The following KDM5B variants were observed in gnomAD, a reference collection of about 807,000 sequenced individuals.
KDM5B encodes lysine-specific demethylase 5B.
KDM5B carries 144 observed loss-of-function variants against 193.4 expected under a neutral mutation model. That is an observed-to-expected ratio of 0.74 (90% confidence interval 0.65 to 0.86). The LOEUF is 0.86. Ranked by LOEUF, KDM5B falls within the 40% of genes least tolerant of loss-of-function variation. KDM5B has a pLI of 0.00. For missense variants in KDM5B, 1,833 were observed against 1,886.9 expected, an observed-to-expected ratio of 0.97 and a Z score of 0.53; for synonymous variants, 668 against 682.6, an observed-to-expected ratio of 0.98 and a Z score of 0.33.
At chr1:202,732,045 A>T in intron 23 of KDM5B, 106 bp from the exon 24 acceptor site, 5 of 639,336 alleles carry the variant, frequency 7.8e-6, no homozygotes, top group African/African-American at 1.9e-5. Flanking sequence ...ACCAGGGGAA[A>T]AAAAAAAAAA....
chr1:202,736,667 G>A (rs374710008), intron 20 of KDM5B, among the ~76,000 whole-genome samples: 18 of 151,368 alleles, frequency 1.2e-4, no homozygotes, highest in South Asian at 4.2e-4. Context: ...TTTTTAAGAC[G>A]GAGTATCACT....
chr1:202,758,347 A>G lies in KDM5B; in HGVS notation c.1197+44T>C, dbSNP rs115162047. The stretch of plus-strand genomic sequence containing the variant: ...GGGTCTTCAGGTACACTTTTCTCCA[A>G]AAGCTATTAAAATCCTAAATCAAAG... On this transcript the variant is annotated intron_variant, in intron 9 of 26. Transcript: ENST00000367265. 1,458 of 1,510,830 alleles carry G rather than the reference A, an allele frequency of 9.7e-4. 16 individuals are homozygous for G. The African/African-American group carries it at 0.018, about 19-fold the overall frequency. 93.6% of individuals were successfully genotyped at this position (1,510,830 alleles called of 1,614,324 possible).
Position 202,752,982 on chromosome 1 carries a change from A to G in KDM5B, c.1624T>C (p.Phe542Leu). 1 of 1,614,154 alleles carries G rather than the reference A, an allele frequency of 6.2e-7. No individual in the cohort carries two copies. Among genetic ancestry groups the G allele is most frequent in the East Asian group, 2.2e-5 (1 of 44,880 alleles). ...NVMKKLAPEL[F>L]VSQPDLLHQL... is the part of the protein sequence containing the mutation. Reference sequence around the variant, plus strand: ...TGGAGGAGATCCGGCTGGGACACAAAGAGTTCTGGAGCTAGTTTCTTCATT... The same window carrying G: ...TGGAGGAGATCCGGCTGGGACACAAGGAGTTCTGGAGCTAGTTTCTTCATT... Residue 542 changes from phenylalanine (F) to leucine (L), a missense_variant, in exon 12 of 27, where the codon TTT (phenylalanine) becomes CTT (leucine). Physicochemically the swap from Phe to Leu is conservative, Grantham distance 22 (BLOSUM62 0). Around this residue, in one of 3 missense-constraint regions of KDM5B, gnomAD observed 1,379 missense variants for 1,349.6 expected, o/e 1.02. Transcript: ENST00000367265.
intron 1 of KDM5B, among the ~76,000 whole-genome samples, chr1:202,780,884 G>A (rs896982605): frequency 2.0e-5 from 3 of 151,382 alleles, no homozygotes; most frequent in Non-Finnish European, 2.9e-5. Flanking sequence ...TTACGTTTGC[G>A]CCAACCTAAT....
At position 202,733,506 on chromosome 1, in the gene KDM5B, T is replaced by C. The variant is rs765497085; in HGVS notation, c.3804A>G (p.Gln1268=). The change falls in exon 23 of 27, where the codon CAA becomes CAG. Residue 1268 remains glutamine, a synonymous_variant. Transcript: ENST00000367265. The part of the protein sequence containing the change: ...RTVNWQHRAQ[Q]LLSSGNLKFV... The stretch of plus-strand genomic sequence containing the variant: ...ATTTAAGATTCCCTGACGAAAGCAG[T>C]TGCTGGGCTCTGTGCTGCCAGTTCA... 6.2e-7 allele frequency: 1 copy of C among 1,614,160 alleles called. No homozygotes were observed. The highest frequency in any genetic ancestry group is 8.5e-7 in the Non-Finnish European group (1 of 1,180,016).
intron 12 of KDM5B, among the ~76,000 whole-genome samples, chr1:202,752,568 T>G (rs12041098): frequency 0.059 from 8,985 of 152,296 alleles, 457 homozygotes; most frequent in East Asian, 0.25. Context: ...ACCTCTAGAC[T>G]TTTCAGTCAG....
intron 1 of KDM5B, among the ~76,000 whole-genome samples, chr1:202,780,193 T>G (rs1186376259): frequency 6.6e-6 from 1 of 152,076 alleles, no homozygotes; most frequent in Non-Finnish European, 1.5e-5. Flanking sequence ...ATTATTATTA[T>G]TTTTTGAGAT....
chr1:202,731,357 T>C (rs1654877294), intron 24 of KDM5B, among the ~76,000 whole-genome samples: 1 of 152,248 alleles, frequency 6.6e-6, no homozygotes, highest in Admixed American at 6.5e-5. Flanking sequence ...TCTGCCTTGA[T>C]GACTTCTAAC....
chr1:202,774,562 C>A lies in KDM5B; in HGVS notation c.405+51G>T. 5.2e-6 allele frequency: 8 copies of A among 1,541,220 alleles called. No homozygotes were observed. The South Asian group carries it at 9.2e-5, about 18-fold the overall frequency. On this transcript the variant is annotated intron_variant, in intron 3 of 26. Coordinates refer to ENST00000367265, the MANE Select transcript of KDM5B (RefSeq NM_006618.5). ...TTTTTAAGGCAAAGAAGATCAAATTCATTCTGTCAGTAAGATTATAAAATA... is the reference window on the plus strand; with the variant it reads ...TTTTTAAGGCAAAGAAGATCAAATTAATTCTGTCAGTAAGATTATAAAATA...
intron 2 of KDM5B, among the ~76,000 whole-genome samples, chr1:202,776,445 G>A (rs1386931656): frequency 6.6e-6 from 1 of 152,006 alleles, no homozygotes; most frequent in Non-Finnish European, 1.5e-5. Flanking sequence ...GGGAGGCAGA[G>A]GCAGGAGGAT....
At position 202,727,510 on chromosome 1, in the gene KDM5B, C is replaced by G. The variant is rs545758714; in HGVS notation, c.*1526G>C. The G allele has an allele frequency of 4.6e-5, 7 of 152,582 alleles. No homozygotes were observed. Among genetic ancestry groups the G allele is most frequent in the African/African-American group, 1.7e-4 (7 of 41,492 alleles). 9.5% of individuals were successfully genotyped at this position (152,582 alleles called of 1,614,324 possible). ...TTTTTGTTGTTGTTTTATTAAAGAC[C>G]CACCAGTTTTACTCATCTTCAGGTT... On this transcript the variant is annotated 3_prime_UTR_variant, in exon 27 of 27. Transcript: ENST00000367265.
At chr1:202,749,748 T>G (rs534260108) in intron 13 of KDM5B, among the ~76,000 whole-genome samples, 2 of 152,218 alleles carry the variant, frequency 1.3e-5, no homozygotes, top group Non-Finnish European at 2.9e-5. Flanking sequence ...AAGTATGACC[T>G]TATATATTTC....
chr1:202,753,165 G>C, intron 11 of KDM5B, 98 bp from the exon 12 acceptor site: 2 of 1,014,920 alleles, frequency 2.0e-6, no homozygotes, highest in South Asian at 1.6e-5. Flanking sequence ...GTAAGACTAC[G>C]CAAAAAAGGA....
chr1:202,741,937 CT>C (rs35991410), intron 18 of KDM5B, among the ~76,000 whole-genome samples: 356 of 147,234 alleles, frequency 2.4e-3, no homozygotes, highest in Non-Finnish European at 4.0e-3. Flanking sequence ...GTCACTTTCT[CT>C]TTTTTTTTTT....
At chr1:202,776,382 A>G (rs114292496) in intron 2 of KDM5B, among the ~76,000 whole-genome samples, 2,443 of 152,168 alleles carry the variant, frequency 0.016, 62 homozygotes, top group African/African-American at 0.056. Flanking sequence ...ACAATTCCAT[A>G]TAAGTGTTTA....
intron 1 of KDM5B, among the ~76,000 whole-genome samples, chr1:202,795,560 G>A (rs550433434): frequency 1.3e-4 from 19 of 151,924 alleles, no homozygotes; most frequent in Admixed American, 6.6e-4. Flanking sequence ...GCTGAGGCAG[G>A]AGAATCACTT....
At chr1:202,776,329 T>C (rs984163692) in intron 2 of KDM5B, 2 of 152,284 alleles carry the variant, frequency 1.3e-5, no homozygotes, top group Middle Eastern at 6.8e-3. Flanking sequence ...CTTCCTGTGA[T>C]GTAAGCAGGC....
intron 6 of KDM5B, among the ~76,000 whole-genome samples, chr1:202,763,627 AC>A (rs2102277590): frequency 6.6e-6 from 1 of 152,348 alleles, no homozygotes; most frequent in South Asian, 2.1e-4. Context: ...ATCAAGTGAT[AC>A]CCAGGCAAGC....
At chr1:202,808,067 C>G in intron 1 of KDM5B, 35 bp downstream of exon 1, 1 of 1,599,412 alleles carries the variant, frequency 6.3e-7, no homozygotes, top group Non-Finnish European at 8.5e-7. Context: ...CCTCCCCCAG[C>G]CACGAGCTGG....
Sources: allele counts gnomAD v4.1 joint callset (sites outside exome capture counted in the v4.1 genomes callset), GRCh38; gene constraint gnomAD v4.1.1; regional missense constraint gnomAD v4.1.1; transcripts MANE v1.5; gene names NCBI Gene and HGNC (gene_info 2026-07-23, HGNC 2026-07-21).